Variants in CCDC170 observed in about 807,000 individuals in gnomAD.
The protein encoded by CCDC170 is coiled-coil domain containing 170, also known as coiled-coil domain-containing protein 170.
In CCDC170, 69 loss-of-function variants were observed where a neutral mutation model predicts 72.6. That is an observed-to-expected ratio of 0.95 (90% CI 0.78 to 1.16). The LOEUF (loss-of-function observed/expected upper bound fraction) is 1.16. CCDC170 is among the 50% of genes most tolerant of loss of function. The pLI is 0.00. For missense variants in CCDC170, 852 were observed against 832.5 expected (o/e 1.02, Z -0.29); for synonymous variants, 300 against 303.9 (o/e 0.99, Z 0.13).
intron 9 of CCDC170, among the ~76,000 whole-genome samples, chr6:151,614,426 G>A (rs934253443): frequency 2.6e-5 from 4 of 151,926 alleles, no homozygotes; most frequent in African/African-American, 9.7e-5. Flanking sequence ...GCTCATCCAT[G>A]TTGTAGTTGT....
intron 7 of CCDC170, among the ~76,000 whole-genome samples, chr6:151,590,844 C>T (rs57960590): frequency 0.11 from 15,987 of 152,114 alleles, 855 homozygotes; most frequent in African/African-American, 0.11. Context: ...GGTTTCATAC[C>T]GTCATGTAAT....
chr6:151,494,036 C>CGAG lies in CCDC170; in HGVS notation c.-89_-87dup. ...GTCCCCGCGGTGTTTACCCGTTGCC[C>CGAG]GAGGAGACACCCGCGCCACCCGCCG... On this transcript the variant is annotated 5_prime_UTR_variant, in exon 1 of 11. Coordinates refer to ENST00000239374, the MANE Select transcript of CCDC170 (RefSeq NM_025059.4). The CGAG allele has an allele frequency of 7.9e-7, 1 of 1,269,376 alleles. No individual in the cohort carries two copies. The highest frequency in any genetic ancestry group is 3.6e-5 in the Admixed American group (1 of 27,876). The allele number at this position is 1,269,376 out of a possible 1,614,324, so 78.6% of individuals were successfully genotyped here. A position where few individuals can be genotyped will look rare whatever the true frequency, so the allele number is the denominator to read the frequency against.
chr6:151,495,076 A>G (rs1228913832), intron 1 of CCDC170, among the ~76,000 whole-genome samples: 1 of 152,218 alleles, frequency 6.6e-6, no homozygotes, highest in African/African-American at 2.4e-5. Context: ...TACTGACCAT[A>G]GATATCCCTG....
At chr6:151,526,932 C>G (rs1325728362) in intron 1 of CCDC170, among the ~76,000 whole-genome samples, 1 of 151,616 alleles carries the variant, frequency 6.6e-6, no homozygotes, top group Non-Finnish European at 1.5e-5. Flanking sequence ...GTCACCCACG[C>G]TGGATTGCAG....
At chr6:151,539,222 C>T (rs1782641695) in intron 3 of CCDC170, among the ~76,000 whole-genome samples, 2 of 151,686 alleles carry the variant, frequency 1.3e-5, no homozygotes, top group African/African-American at 4.8e-5. Flanking sequence ...GATCACACCA[C>T]TGTACTCCAG....
chr6:151,567,476 C>T (rs541140745), intron 5 of CCDC170, among the ~76,000 whole-genome samples: 1 of 152,268 alleles, frequency 6.6e-6, no homozygotes, highest in South Asian at 2.1e-4. Context: ...AAGTAATCCA[C>T]CTGCCTTGGC....
chr6:151,599,349 T>C (rs900572695), intron 9 of CCDC170, among the ~76,000 whole-genome samples: 3 of 152,198 alleles, frequency 2.0e-5, no homozygotes, highest in African/African-American at 7.2e-5. Flanking sequence ...TTTATAAACA[T>C]AGATTACCTC....
chr6:151,598,893 T>C (rs1776663518), intron 9 of CCDC170, among the ~76,000 whole-genome samples: 1 of 152,214 alleles, frequency 6.6e-6, no homozygotes, highest in Non-Finnish European at 1.5e-5. Context: ...CAGCTGCTCC[T>C]GATTGTAGGA....
At chr6:151,557,408 CA>C (rs201961628) in intron 5 of CCDC170, among the ~76,000 whole-genome samples, 73,424 of 132,136 alleles carry the variant, frequency 0.56, 21,870 homozygotes, top group Non-Finnish European at 0.71. Flanking sequence ...GATTCTGTCT[CA>C]AAAAAAAAAA....
chr6:151,555,023 C>G (rs954836927), intron 5 of CCDC170, among the ~76,000 whole-genome samples: 4 of 151,570 alleles, frequency 2.6e-5, no homozygotes, highest in African/African-American at 9.7e-5. Context: ...GGACTACAGG[C>G]ACCTACTACC....
chr6:151,500,068 A>G (rs1245623479), intron 1 of CCDC170, among the ~76,000 whole-genome samples: 1 of 152,182 alleles, frequency 6.6e-6, no homozygotes, highest in East Asian at 1.9e-4. Context: ...CCAGCAGTGC[A>G]CAAAGGTTTT....
At chr6:151,532,698 A>C (rs1782507907) in intron 1 of CCDC170, among the ~76,000 whole-genome samples, 1 of 152,216 alleles carries the variant, frequency 6.6e-6, no homozygotes, top group Admixed American at 6.5e-5. Context: ...AAAACATATA[A>C]ATTCTCTATA....
chr6:151,568,095 G>C (rs969067060), intron 5 of CCDC170, among the ~76,000 whole-genome samples: 1 of 114,784 alleles, frequency 8.7e-6, no homozygotes, highest in Non-Finnish European at 1.7e-5. Context: ...GGGCGACAGA[G>C]TGAGACTCTG....
intron 1 of CCDC170, among the ~76,000 whole-genome samples, chr6:151,514,866 T>A (rs1485021427): frequency 6.6e-6 from 1 of 152,162 alleles, no homozygotes; most frequent in Non-Finnish European, 1.5e-5. Flanking sequence ...GGCAGAACCA[T>A]TCATTTCCAT....
chr6:151,555,967 T>C (rs1782967467), intron 5 of CCDC170, among the ~76,000 whole-genome samples: 1 of 152,144 alleles, frequency 6.6e-6, no homozygotes, highest in African/African-American at 2.4e-5. Context: ...AAAGCTGGAT[T>C]GGGGATGGTG....
chr6:151,506,279 G>A (rs1429473203), intron 1 of CCDC170, among the ~76,000 whole-genome samples: 1 of 152,144 alleles, frequency 6.6e-6, no homozygotes, highest in African/African-American at 2.4e-5. Flanking sequence ...GAATTTTAGA[G>A]AATAATTGCC....
chr6:151,511,081 A>C (rs1767020849), intron 1 of CCDC170, among the ~76,000 whole-genome samples: 1 of 152,126 alleles, frequency 6.6e-6, no homozygotes, highest in Admixed American at 6.6e-5. Context: ...GTCCTTACCT[A>C]ATAAGATGTG....
chr6:151,618,025 A>T lies in CCDC170; in HGVS notation c.2026A>T (p.Ile676Phe), dbSNP rs780980566. ...TSLALPDYEI[I>F]KCLERLVHSH... ...CCTTGCTCTTCCTGATTATGAAATC[A>T]TCAAGTGTCTTGAAAGATTGGTCCA... The change falls in exon 11 of 11, where the codon ATC (isoleucine) becomes TTC (phenylalanine). Residue 676 changes from isoleucine (I) to phenylalanine (F), a missense_variant. Ile to Phe is a conservative substitution (Grantham distance 21). Coordinates refer to ENST00000239374, the MANE Select transcript of CCDC170 (RefSeq NM_025059.4). 2.5e-6 allele frequency: 4 copies of T among 1,614,036 alleles called. No individual in the cohort carries two copies. Among genetic ancestry groups the T allele is most frequent in the Non-Finnish European group, 3.4e-6 (4 of 1,180,026 alleles).
chr6:151,603,168 G>A (rs761821737), intron 9 of CCDC170, among the ~76,000 whole-genome samples: 1 of 152,188 alleles, frequency 6.6e-6, no homozygotes, highest in Non-Finnish European at 1.5e-5. Flanking sequence ...TAATAAGAAT[G>A]TGTGGTACCA....
Sources: allele counts gnomAD v4.1 joint callset (sites outside exome capture counted in the v4.1 genomes callset), GRCh38; gene constraint gnomAD v4.1.1; transcripts MANE v1.5; gene names NCBI Gene and HGNC (gene_info 2026-07-23, HGNC 2026-07-21).